The following WDR7 variants were observed in gnomAD, a reference collection of about 807,000 sequenced individuals.
The protein encoded by WDR7 is WD repeat-containing protein 7.
A neutral mutation model predicts 169.4 loss-of-function variants in WDR7; 46 were observed. That is an observed-to-expected ratio of 0.27 (90% CI 0.21 to 0.35). The LOEUF is 0.35. Ranked by LOEUF, WDR7 falls within the 10% of genes least tolerant of loss-of-function variation. WDR7 has a pLI of 1.00. For synonymous variants in WDR7, 612 were observed against 666.8 expected (o/e 0.92, Z 1.27); for missense variants, 1,534 against 1,859.3 (o/e 0.83, Z 3.22).
chr18:56,949,603 G>A (rs1234354496), intron 25 of WDR7, among the ~76,000 whole-genome samples: 2 of 152,174 alleles, frequency 1.3e-5, no homozygotes, highest in Non-Finnish European at 2.9e-5. Flanking sequence ...GCCTTTTCAG[G>A]TAATTTTGTA....
At chr18:56,797,752 A>G (rs2044608928) in intron 19 of WDR7, among the ~76,000 whole-genome samples, 1 of 150,536 alleles carries the variant, frequency 6.6e-6, no homozygotes, top group African/African-American at 2.4e-5. Context: ...TTATCTATCT[A>G]TCTAAAAAAT....
At chr18:57,011,711 A>G (rs2145917208) in intron 26 of WDR7, among the ~76,000 whole-genome samples, 1 of 152,330 alleles carries the variant, frequency 6.6e-6, no homozygotes, top group Middle Eastern at 3.4e-3. Context: ...TCTCTGTTCA[A>G]AATCATTGTA....
chr18:56,675,557 T>A (rs2025226508), intron 2 of WDR7, among the ~76,000 whole-genome samples: 1 of 152,024 alleles, frequency 6.6e-6, no homozygotes, highest in Non-Finnish European at 1.5e-5. Flanking sequence ...TTATTCATCT[T>A]GTATCTTACA....
intron 16 of WDR7, among the ~76,000 whole-genome samples, chr18:56,769,461 A>G (rs1480002377): frequency 6.6e-6 from 1 of 152,088 alleles, no homozygotes; most frequent in East Asian, 1.9e-4. Flanking sequence ...AACCTCCCAA[A>G]GTGCTGCGAT....
chr18:56,982,415 C>T (rs184155789), intron 26 of WDR7, among the ~76,000 whole-genome samples: 51 of 152,190 alleles, frequency 3.4e-4, no homozygotes, highest in Admixed American at 3.2e-3. Flanking sequence ...TTGTTAGAGG[C>T]TTTTTCTTCA....
intron 9 of WDR7, among the ~76,000 whole-genome samples, chr18:56,692,926 T>C (rs2025609030): frequency 6.6e-6 from 1 of 151,320 alleles, no homozygotes; most frequent in South Asian, 2.1e-4. Context: ...ATTAGCATGG[T>C]GTGGTGGTAC....
At chr18:56,670,290 T>C (rs1683834076) in intron 1 of WDR7, among the ~76,000 whole-genome samples, 1 of 152,144 alleles carries the variant, frequency 6.6e-6, no homozygotes, top group Non-Finnish European at 1.5e-5. Flanking sequence ...TTCACTTTTA[T>C]TAGGTTTTTA....
chr18:56,726,276 A>G (rs1163945964), intron 13 of WDR7, among the ~76,000 whole-genome samples: 2 of 152,152 alleles, frequency 1.3e-5, no homozygotes, highest in Non-Finnish European at 2.9e-5. Flanking sequence ...GATTCTTCCT[A>G]TCTATGAGCA....
chr18:56,864,720 T>C (rs1333193008), intron 20 of WDR7, among the ~76,000 whole-genome samples: 2 of 151,898 alleles, frequency 1.3e-5, no homozygotes, highest in Non-Finnish European at 2.9e-5. Flanking sequence ...TATTCAGCAA[T>C]TGAGATGATC....
At chr18:56,686,342 AG>A (rs2025443623) in intron 6 of WDR7, among the ~76,000 whole-genome samples, 1 of 152,102 alleles carries the variant, frequency 6.6e-6, no homozygotes, top group Non-Finnish European at 1.5e-5. Flanking sequence ...ATTGACTCAA[AG>A]GAAAAAAAAA....
chr18:56,973,259 G>T (rs747911348), intron 26 of WDR7, among the ~76,000 whole-genome samples: 1 of 152,100 alleles, frequency 6.6e-6, no homozygotes. Flanking sequence ...TATATCCTTC[G>T]TAATATCTAT....
In WDR7 at chr18:56,744,922, A is replaced by G. The variant is rs147409614; in HGVS notation, c.1990-11661A>G. Among the ~76,000 whole-genome samples the G allele has an allele frequency of 3.3e-3, 503 of 152,282 alleles. 1 individual carries two copies. The highest frequency in any genetic ancestry group is 6.8e-3 in the Middle Eastern group (2 of 294). On this transcript the variant is annotated intron_variant, in intron 14 of 27. Transcript: ENST00000254442. ...CAGGTAAGGACAGGACCCAGTGTGCATGGCCATGGGAGTGGCTGGCTGAGG... is the reference window on the plus strand; with the variant it reads ...CAGGTAAGGACAGGACCCAGTGTGCGTGGCCATGGGAGTGGCTGGCTGAGG...
chr18:56,842,538 G>A (rs893209718), intron 20 of WDR7, among the ~76,000 whole-genome samples: 2 of 152,140 alleles, frequency 1.3e-5, no homozygotes, highest in African/African-American at 4.8e-5. Flanking sequence ...TAAACAGAAA[G>A]GTATAAGGTT....
At chr18:56,797,301 A>G (rs2044600708) in intron 19 of WDR7, among the ~76,000 whole-genome samples, 1 of 152,136 alleles carries the variant, frequency 6.6e-6, no homozygotes, top group Non-Finnish European at 1.5e-5. Context: ...TTGCTGCTTT[A>G]CCTGATAAGG....
In WDR7 at chr18:56,771,567, A is replaced by AC. The variant is rs74182160; in HGVS notation, c.2849-5206dup. ...CAAAACCCCATCTCTACCCTCCCCCACCCCCCCCCAAAAAAAGAAAAAAAA... is the reference window on the plus strand; with the variant it reads ...CAAAACCCCATCTCTACCCTCCCCCACCCCCCCCCCAAAAAAAGAAAAAAAA... On this transcript the variant is annotated intron_variant, in intron 16 of 27. Coordinates refer to ENST00000254442, the MANE Select transcript of WDR7 (RefSeq NM_015285.3). Among the ~76,000 whole-genome samples the AC allele has an allele frequency of 2.2e-3, 160 of 71,552 alleles. 1 individual carries two copies. Among genetic ancestry groups the AC allele is most frequent in the East Asian group, 0.014 (22 of 1,596 alleles). 46.9% of individuals were successfully genotyped at this position (71,552 alleles called of 152,430 possible). A position where few individuals can be genotyped will look rare whatever the true frequency, so the allele number is the denominator to read the frequency against.
At chr18:56,750,756 A>G (rs2043778644) in intron 14 of WDR7, among the ~76,000 whole-genome samples, 1 of 152,230 alleles carries the variant, frequency 6.6e-6, no homozygotes, top group African/African-American at 2.4e-5. Context: ...AGTTTGATAG[A>G]TGTTTTAATT....
At chr18:56,900,082 G>GTATATATATATATATATATATA (rs1191116351) in intron 21 of WDR7, among the ~76,000 whole-genome samples, 3 of 32,054 alleles carry the variant, frequency 9.4e-5, no homozygotes, top group African/African-American at 1.9e-4. Flanking sequence ...GTGTGTGTGT[G>GTATATATATATATATATATATA]TATATATATA....
intron 21 of WDR7, among the ~76,000 whole-genome samples, chr18:56,882,097 C>T (rs1297913572): frequency 2.0e-5 from 3 of 152,190 alleles, no homozygotes; most frequent in Non-Finnish European, 2.9e-5. Context: ...TTACTGGCTC[C>T]TACCTCCCCA....
chr18:56,980,365 G>C (rs547175330), intron 26 of WDR7, among the ~76,000 whole-genome samples: 1 of 152,320 alleles, frequency 6.6e-6, no homozygotes, highest in South Asian at 2.1e-4. Context: ...CAGTGGTGTG[G>C]AGCCGTGTGT....
Sources: gnomAD v4.1 joint callset for allele counts (sites outside exome capture counted in the v4.1 genomes callset) on GRCh38, gnomAD v4.1.1 for gene constraint, MANE v1.5 for transcripts, NCBI Gene and HGNC (gene_info 2026-07-23, HGNC 2026-07-21) for gene names.